Variants in CHD9 observed in about 807,000 individuals in gnomAD.
The protein encoded by CHD9 is ATP-dependent chromatin remodeler CHD9.
In CHD9, 77 loss-of-function variants were observed where a neutral mutation model predicts 316.1. The observed-to-expected ratio is 0.24, with a 90% CI of 0.20 to 0.29. CHD9 has a LOEUF of 0.29. CHD9 is among the 10% of genes least tolerant of loss of function. The pLI is 1.00. For synonymous variants in CHD9, 1,129 were observed against 1,158.3 expected (o/e 0.97, Z 0.51); for missense variants, 2,763 against 3,438.1 (o/e 0.80, Z 4.91).
At chr16:53,092,156 G>T (rs537138783) in intron 1 of CHD9, among the ~76,000 whole-genome samples, 1 of 152,306 alleles carries the variant, frequency 6.6e-6, no homozygotes, top group South Asian at 2.1e-4. Context: ...TCATACCCTG[G>T]GAAGGCTGGG....
At chr16:53,110,278 G>A (rs2037761112) in intron 1 of CHD9, among the ~76,000 whole-genome samples, 1 of 152,112 alleles carries the variant, frequency 6.6e-6, no homozygotes, top group Non-Finnish European at 1.5e-5. Flanking sequence ...CAAACGATGA[G>A]GTGAATGCCT....
chr16:53,145,798 A>G (rs897146410), intron 1 of CHD9, among the ~76,000 whole-genome samples: 3 of 152,142 alleles, frequency 2.0e-5, no homozygotes, highest in African/African-American at 7.2e-5. Flanking sequence ...ACCAAAAGCT[A>G]GATTCTATAG....
chr16:53,293,527 T>TATA (rs889478195), intron 29 of CHD9, among the ~76,000 whole-genome samples: 1 of 151,346 alleles, frequency 6.6e-6, no homozygotes, highest in East Asian at 2.0e-4. Context: ...AAAGTGGGAG[T>TATA]ATCACCTGAG....
At chr16:53,097,362 T>G (rs1437353717) in intron 1 of CHD9, among the ~76,000 whole-genome samples, 1 of 43,184 alleles carries the variant, frequency 2.3e-5, no homozygotes, top group African/African-American at 1.7e-4. Flanking sequence ...CTCCCTTCCT[T>G]CCTTCCTTCC....
intron 1 of CHD9, among the ~76,000 whole-genome samples, chr16:53,122,835 T>C (rs529302992): frequency 6.6e-6 from 1 of 151,896 alleles, no homozygotes; most frequent in Non-Finnish European, 1.5e-5. Flanking sequence ...GCCTCCCGAG[T>C]AGCTGGGACT....
At chr16:53,196,101 C>T (rs1270954135) in intron 2 of CHD9, among the ~76,000 whole-genome samples, 1 of 152,098 alleles carries the variant, frequency 6.6e-6, no homozygotes, top group Non-Finnish European at 1.5e-5. Flanking sequence ...TAGAATCTTG[C>T]AAAACTATAG....
At chr16:53,130,632 C>T (rs1431043152) in intron 1 of CHD9, among the ~76,000 whole-genome samples, 1 of 151,562 alleles carries the variant, frequency 6.6e-6, no homozygotes, top group African/African-American at 2.4e-5. Flanking sequence ...CCCGAGGCCG[C>T]CCAGGGCTCC....
intron 1 of CHD9, among the ~76,000 whole-genome samples, chr16:53,154,642 G>A (rs1281528933): frequency 6.6e-6 from 1 of 152,156 alleles, no homozygotes; most frequent in Non-Finnish European, 1.5e-5. Context: ...GCACAGCCTA[G>A]ATCACTTACA....
At chr16:53,262,949 A>G (rs1356923594) in intron 19 of CHD9, 38 bp from the exon 20 acceptor site, 1 of 1,475,560 alleles carries the variant, frequency 6.8e-7, no homozygotes, top group Non-Finnish European at 9.5e-7. Flanking sequence ...GTGTACTTTG[A>G]TAGATTTTTC....
chr16:53,235,333 AT>A lies in CHD9; in HGVS notation c.2633+30del, dbSNP rs753968823. The stretch of plus-strand genomic sequence containing the variant: ...TATGTAGTATATCTTAATAAAAAAA[AT>A]TTATTTTTTTAATGTGTGCCAAAAT... On this transcript the variant is annotated intron_variant, in intron 11 of 38. Transcript: ENST00000447540. The A allele has an allele frequency of 6.6e-5, 97 of 1,474,350 alleles. No homozygotes were observed. The African/African-American group carries it at 1.3e-3, about 20-fold the overall frequency. 91.3% of individuals were successfully genotyped at this position (1,474,350 alleles called of 1,614,324 possible). A position where few individuals can be genotyped will look rare whatever the true frequency, so the allele number is the denominator to read the frequency against.
At chr16:53,191,353 C>T (rs2044467619) in intron 2 of CHD9, among the ~76,000 whole-genome samples, 2 of 152,040 alleles carry the variant, frequency 1.3e-5, no homozygotes, top group African/African-American at 4.8e-5. Flanking sequence ...ACAGTTCTAA[C>T]TGACAGATAT....
intron 1 of CHD9, among the ~76,000 whole-genome samples, chr16:53,065,412 T>C (rs2033401049): frequency 6.6e-6 from 1 of 151,924 alleles, no homozygotes; most frequent in African/African-American, 2.4e-5. Context: ...GGCAGAAGGA[T>C]TGCTTGAGCC....
At chr16:53,147,494 A>G (rs1261640276) in intron 1 of CHD9, among the ~76,000 whole-genome samples, 1 of 152,162 alleles carries the variant, frequency 6.6e-6, no homozygotes, top group East Asian at 1.9e-4. Flanking sequence ...TGTACCCATT[A>G]CCAAATAACT....
At chr16:53,206,099 T>A (rs1282209308) in intron 2 of CHD9, among the ~76,000 whole-genome samples, 3 of 152,086 alleles carry the variant, frequency 2.0e-5, no homozygotes, top group Non-Finnish European at 4.4e-5. Context: ...ATTACAGGCA[T>A]GCACCACCAG....
chr16:53,193,162 C>G (rs2044610781), intron 2 of CHD9, among the ~76,000 whole-genome samples: 1 of 152,044 alleles, frequency 6.6e-6, no homozygotes, highest in East Asian at 1.9e-4. Flanking sequence ...AATGTTTTAA[C>G]CATCCGGCCG....
Position 53,261,583 on chromosome 16 carries a change from C to T in CHD9, c.4210-1404C>T, listed in dbSNP as rs938900897. Among the ~76,000 whole-genome samples, 3 of 151,896 alleles carry T rather than the reference C, an allele frequency of 2.0e-5. No individual in the cohort carries two copies. In the South Asian group the frequency reaches 6.2e-4, roughly 32 times the overall value. On this transcript the variant is annotated intron_variant, in intron 19 of 38. Coordinates refer to ENST00000447540, the MANE Select transcript of CHD9 (RefSeq NM_001308319.2). ...ACAGAGATGGGGTCTCACTATGTTGCCCAGGCTGGTCTTGAACTTGTGGGC... is the reference window on the plus strand; with the variant it reads ...ACAGAGATGGGGTCTCACTATGTTGTCCAGGCTGGTCTTGAACTTGTGGGC...
chr16:53,250,130 TG>T lies in CHD9; in HGVS notation c.3861+66del. 3.5e-6 allele frequency: 4 copies of T among 1,137,792 alleles called. No homozygotes were observed. In the East Asian group the frequency reaches 9.5e-5, roughly 27 times the overall value. The allele number at this position is 1,137,792 out of a possible 1,614,324, so 70.5% of individuals were successfully genotyped here. ...AAAAAAGTAAAATTGTGTAACTTTT[TG>T]GTAATCCACATCTTTTATTTTTATC... is the stretch of plus-strand genomic sequence containing the variant. On this transcript the variant is annotated intron_variant, in intron 17 of 38. Transcript: ENST00000447540.
intron 12 of CHD9, among the ~76,000 whole-genome samples, chr16:53,240,988 T>C (rs996577061): frequency 6.6e-6 from 1 of 152,138 alleles, no homozygotes; most frequent in African/African-American, 2.4e-5. Flanking sequence ...TGATATCAAC[T>C]TAACTGAATA....
chr16:53,147,118 A>C (rs778170915), intron 1 of CHD9, among the ~76,000 whole-genome samples: 4 of 152,166 alleles, frequency 2.6e-5, no homozygotes, highest in Non-Finnish European at 4.4e-5. Flanking sequence ...GATAATATGT[A>C]AACTATAGAA....
Sources: allele counts gnomAD v4.1 joint callset (sites outside exome capture counted in the v4.1 genomes callset), GRCh38; gene constraint gnomAD v4.1.1; transcripts MANE v1.5; gene names NCBI Gene and HGNC (gene_info 2026-07-23, HGNC 2026-07-21).